Variants in ARHGAP26 observed in about 807,000 individuals in gnomAD.
ARHGAP26 encodes Rho GTPase activating protein 26.
A neutral mutation model predicts 104.8 loss-of-function variants in ARHGAP26; 38 were observed. The observed-to-expected ratio is 0.36, with a 90% CI of 0.28 to 0.48. The LOEUF is 0.48. Ranked by LOEUF, ARHGAP26 falls within the 20% of genes least tolerant of loss-of-function variation. The pLI is 0.99. For missense variants in ARHGAP26, 704 were observed against 947.9 expected, an observed-to-expected ratio of 0.74 and a Z score of 3.38; for synonymous variants, 341 against 340.0, an observed-to-expected ratio of 1.00 and a Z score of -0.03.
chr5:143,028,365 A>G (rs1781380019), intron 12 of ARHGAP26, among the ~76,000 whole-genome samples: 1 of 152,226 alleles, frequency 6.6e-6, no homozygotes, highest in Non-Finnish European at 1.5e-5. Context: ...TTATTAATTT[A>G]TTTTATAAAC....
intron 16 of ARHGAP26, 86 bp from the exon 17 acceptor site, chr5:143,057,556 C>A: frequency 1.9e-6 from 2 of 1,057,918 alleles, no homozygotes; most frequent in Non-Finnish European, 1.4e-6. Context: ...TGTTAGTGCT[C>A]ATCCTTTGGT....
At chr5:143,016,359 C>T (rs1398972577) in intron 12 of ARHGAP26, among the ~76,000 whole-genome samples, 1 of 152,164 alleles carries the variant, frequency 6.6e-6, no homozygotes, top group Non-Finnish European at 1.5e-5. Flanking sequence ...AATGATTCTT[C>T]AGTCATTACC....
chr5:142,892,980 A>AC (rs1157976303), intron 5 of ARHGAP26, among the ~76,000 whole-genome samples: 7 of 64,658 alleles, frequency 1.1e-4, no homozygotes, highest in South Asian at 6.0e-4. Flanking sequence ...ACCCCACCCC[A>AC]CCCCCCCGCT....
intron 17 of ARHGAP26, among the ~76,000 whole-genome samples, chr5:143,118,943 TA>T (rs11408187): frequency 0.074 from 9,193 of 123,536 alleles, 378 homozygotes; most frequent in East Asian, 0.28. Flanking sequence ...AGTATAATAA[TA>T]AAAAAAAAAA....
Position 143,134,131 on chromosome 5 carries a change from C to T in ARHGAP26, c.1837+26C>T, listed in dbSNP as rs758451736. 7 of 1,589,596 alleles carry T rather than the reference C, an allele frequency of 4.4e-6. No individual in the cohort carries two copies. The Admixed American group carries it at 5.2e-5, about 12-fold the overall frequency. Reference sequence around the variant, plus strand: ...GTGAGTCTTTGCTGCATAGGGCCAGCGTGGCATTCAGGGACATCCCATGCT... The same window carrying T: ...GTGAGTCTTTGCTGCATAGGGCCAGTGTGGCATTCAGGGACATCCCATGCT... On this transcript the variant is annotated intron_variant, in intron 19 of 22. Coordinates refer to ENST00000645722, the MANE Select transcript of ARHGAP26 (RefSeq NM_001135608.3).
In ARHGAP26 at chr5:142,983,151, C is replaced by G. The variant is rs954952650; in HGVS notation, c.1108-30929C>G. On this transcript the variant is annotated intron_variant, in intron 11 of 22. Coordinates refer to ENST00000645722, the MANE Select transcript of ARHGAP26 (RefSeq NM_001135608.3). ...GGAGACACCTGTATGTCTGTGATCT[C>G]TGAGCCTTATCTTCCCTTGCTACCC... 5.9e-5 allele frequency among the ~76,000 whole-genome samples: 9 copies of G among 152,220 alleles called. 1 individual carries two copies. Among genetic ancestry groups the G allele is most frequent in the Admixed American group, 5.9e-4 (9 of 15,288 alleles).
chr5:143,106,466 C>CTTTTTTTTTTTTT (rs70991793), intron 17 of ARHGAP26, among the ~76,000 whole-genome samples: 2 of 77,292 alleles, frequency 2.6e-5, no homozygotes, highest in Admixed American at 2.0e-4. Flanking sequence ...ATGCATTGGG[C>CTTTTTTTTTTTTT]TTTTTTTTTT....
intron 20 of ARHGAP26, among the ~76,000 whole-genome samples, chr5:143,160,233 T>G (rs1801045694): frequency 6.6e-6 from 1 of 151,788 alleles, no homozygotes; most frequent in African/African-American, 2.4e-5. Context: ...CTAATTTTTT[T>G]TATTTTTAGT....
chr5:143,141,379 A>G (rs1798518271), intron 19 of ARHGAP26, among the ~76,000 whole-genome samples: 1 of 152,234 alleles, frequency 6.6e-6, no homozygotes, highest in South Asian at 2.1e-4. Context: ...GTGTATATGT[A>G]TATATTCCTC....
chr5:143,090,165 C>T (rs557076251), intron 17 of ARHGAP26, among the ~76,000 whole-genome samples: 256 of 152,318 alleles, frequency 1.7e-3, no homozygotes, highest in African/African-American at 5.8e-3. Context: ...CGCAGGGTGC[C>T]GGACTTCGGG....
At chr5:142,874,458 A>G (rs987553050) in intron 2 of ARHGAP26, among the ~76,000 whole-genome samples, 2 of 152,210 alleles carry the variant, frequency 1.3e-5, no homozygotes, top group Non-Finnish European at 2.9e-5. Context: ...GTGAAAATGT[A>G]TCCTTGTAAC....
chr5:143,112,956 A>G (rs567580533), intron 17 of ARHGAP26, among the ~76,000 whole-genome samples: 1 of 152,324 alleles, frequency 6.6e-6, no homozygotes, highest in East Asian at 1.9e-4. Flanking sequence ...CCCATTTTCA[A>G]TTATTTTACA....
chr5:142,775,579 G>A (rs1396835583), intron 1 of ARHGAP26, among the ~76,000 whole-genome samples: 2 of 152,014 alleles, frequency 1.3e-5, no homozygotes, highest in Non-Finnish European at 2.9e-5. Context: ...TATCTCTTTC[G>A]AGAACATTTT....
chr5:143,175,093 A>G (rs258758), intron 20 of ARHGAP26, among the ~76,000 whole-genome samples: 26,356 of 152,214 alleles, frequency 0.17, 2,658 homozygotes, highest in East Asian at 0.41. Context: ...TTCCCCACAT[A>G]AAAGGAGCCC....
At position 143,121,151 on chromosome 5, in the gene ARHGAP26, A is replaced by G. The variant is rs904863941; in HGVS notation, c.1698+4A>G. The G allele has an allele frequency of 1.2e-6, 2 of 1,611,616 alleles. No homozygotes were observed. The highest frequency in any genetic ancestry group is 2.2e-5 in the South Asian group (2 of 90,890). On this transcript the variant is annotated splice_donor_region_variant and intron_variant, in intron 18 of 22. Coordinates refer to ENST00000645722, the MANE Select transcript of ARHGAP26 (RefSeq NM_001135608.3). Reference sequence around the variant, plus strand: ...CCTAATAGAAAACCACGAAAAGGTAATATGTAATTGATCACTTGCAGTGAA... The same window carrying G: ...CCTAATAGAAAACCACGAAAAGGTAGTATGTAATTGATCACTTGCAGTGAA...
chr5:142,845,965 CT>C (rs1027598484), intron 1 of ARHGAP26, among the ~76,000 whole-genome samples: 1 of 152,140 alleles, frequency 6.6e-6, no homozygotes, highest in South Asian at 2.1e-4. Flanking sequence ...ACTCACATGC[CT>C]TTTTTTCCCC....
chr5:142,902,005 A>C lies in ARHGAP26; in HGVS notation c.668A>C (p.Asp223Ala), dbSNP rs1355126678. The C allele has an allele frequency of 2.5e-6, 4 of 1,613,786 alleles. No individual in the cohort carries two copies. The highest frequency in any genetic ancestry group is 3.4e-6 in the Non-Finnish European group (4 of 1,179,800). The stretch of plus-strand genomic sequence containing the variant: ...TACGAACTGGCCAAGGATTTCGGGG[A>C]CTTCAAGACACAGTTAACCATTAGC... ...HGYELAKDFG[D>A]FKTQLTISIQ... Residue 223 changes from aspartate (D) to alanine (A), a missense_variant, in exon 7 of 23, where the codon GAC (aspartate) becomes GCC (alanine). Physicochemically the swap from Asp to Ala is moderately radical, Grantham distance 126 (BLOSUM62 -2). This residue lies in a region of ARHGAP26 where 287 missense variants were observed against 438.8 expected (regional missense o/e 0.65). Transcript: ENST00000645722.
At position 142,828,406 on chromosome 5, in the gene ARHGAP26, T is replaced by A. The variant is rs988562211; in HGVS notation, c.155-44994T>A. ...GAGTCATTATGACTTAAGTTTTTTT[T>A]ATTTCTTTTAAGCCCAACATGTAGG... On this transcript the variant is annotated intron_variant, in intron 1 of 22. Coordinates refer to ENST00000645722, the MANE Select transcript of ARHGAP26 (RefSeq NM_001135608.3). 3.9e-5 allele frequency among the ~76,000 whole-genome samples: 6 copies of A among 152,256 alleles called. No individual in the cohort carries two copies. The South Asian group carries it at 6.2e-4, about 16-fold the overall frequency.
intron 12 of ARHGAP26, among the ~76,000 whole-genome samples, chr5:143,034,345 C>G (rs1782315335): frequency 6.6e-6 from 1 of 152,016 alleles, no homozygotes; most frequent in African/African-American, 2.4e-5. Context: ...TGGAAATGGC[C>G]CAAATATCTA....
Sources: gnomAD v4.1 joint callset for allele counts (sites outside exome capture counted in the v4.1 genomes callset) on GRCh38, gnomAD v4.1.1 for gene constraint, gnomAD v4.1.1 regional missense constraint, MANE v1.5 for transcripts, NCBI Gene and HGNC (gene_info 2026-07-23, HGNC 2026-07-21) for gene names.